BMS1: variants seen among roughly 807,000 people sequenced by gnomAD.
BMS1 encodes ribosome biogenesis protein BMS1 homolog.
In BMS1, 53 loss-of-function variants were observed where a neutral mutation model predicts 138.7. The observed-to-expected ratio is 0.38, with a 90% CI of 0.31 to 0.48. The LOEUF (loss-of-function observed/expected upper bound fraction) is 0.48, where lower values mean the gene tolerates loss of function less well. Ranked by LOEUF, BMS1 falls within the 20% of genes least tolerant of loss-of-function variation. The pLI, the probability that BMS1 is intolerant of heterozygous loss-of-function variation, is 0.97. For synonymous variants in BMS1, 504 were observed against 539.9 expected (o/e 0.93, Z 0.92); for missense variants, 1,360 against 1,565.5 (o/e 0.87, Z 2.22).
chr10:42,810,824 T>C (rs749926607), intron 13 of BMS1, among the ~76,000 whole-genome samples: 35 of 152,220 alleles, frequency 2.3e-4, no homozygotes, highest in Non-Finnish European at 4.0e-4. Context: ...CTGAGGGTGA[T>C]GTTTAGAGTA....
chr10:42,808,832 G>A (rs1349428993), intron 13 of BMS1, among the ~76,000 whole-genome samples: 1 of 152,068 alleles, frequency 6.6e-6, no homozygotes, highest in Non-Finnish European at 1.5e-5. Context: ...TCTGTTTCTG[G>A]GTTCTCTTGT....
At chr10:42,807,281 A>G (rs936035501) in intron 13 of BMS1, among the ~76,000 whole-genome samples, 1 of 152,222 alleles carries the variant, frequency 6.6e-6, no homozygotes, top group Admixed American at 6.5e-5. Flanking sequence ...TGTTAAATAA[A>G]CAGAATCATA....
chr10:42,823,075 T>C (rs756366400), intron 19 of BMS1, 43 bp from the exon 20 acceptor site: 3 of 1,459,908 alleles, frequency 2.1e-6, no homozygotes, highest in Admixed American at 4.9e-5. Context: ...GCATAAAGTA[T>C]ATGATTTTGT....
chr10:42,790,417 G>C lies in BMS1; in HGVS notation c.542G>C (p.Gly181Ala). The change falls in exon 5 of 23, where the codon GGA (glycine) becomes GCA (alanine). Residue 181 changes from glycine to alanine, a missense_variant. By Grantham distance (60) the Gly-to-Ala change is moderately conservative. Coordinates refer to ENST00000374518, the MANE Select transcript of BMS1 (RefSeq NM_014753.4). Reference sequence around the variant, plus strand: ...GTACATGGCTTTCCTAAAATTATGGGAGTTCTCACCCACCTCGACTCCTTC... The same window carrying C: ...GTACATGGCTTTCCTAAAATTATGGCAGTTCTCACCCACCTCGACTCCTTC... ...CQVHGFPKIMGVLTHLDSFKH... is the reference protein window; with the variant it reads ...CQVHGFPKIMAVLTHLDSFKH... 1 of 1,613,894 alleles carries C rather than the reference G, an allele frequency of 6.2e-7. No individual in the cohort carries two copies. Among genetic ancestry groups the C allele is most frequent in the South Asian group, 1.1e-5 (1 of 91,074 alleles).
At chr10:42,816,800 G>A (rs1481316143) in intron 14 of BMS1, 128 bp downstream of exon 14, 3 of 664,188 alleles carry the variant, frequency 4.5e-6, no homozygotes, top group Non-Finnish European at 7.1e-6. Context: ...TTCCTAAAGG[G>A]TGGGGATGTG....
intron 13 of BMS1, among the ~76,000 whole-genome samples, chr10:42,812,705 C>G (rs1371384971): frequency 6.6e-6 from 1 of 152,188 alleles, no homozygotes; most frequent in African/African-American, 2.4e-5. Flanking sequence ...GGGCACCATA[C>G]TCTGTAGTGG....
In BMS1 at chr10:42,823,593, T is replaced by A. The variant is rs767898503; in HGVS notation, c.3281-16T>A. ...CTTCTTTTGAAAATGTTAAAGTAAA[T>A]TACCTCTCTTTTCAGATATTGTCTT... On this transcript the variant is annotated splice_polypyrimidine_tract_variant and intron_variant, in intron 20 of 22. Coordinates refer to ENST00000374518, the MANE Select transcript of BMS1 (RefSeq NM_014753.4). 2 of 1,509,986 alleles carry A rather than the reference T, an allele frequency of 1.3e-6. No homozygotes were observed. The highest frequency in any genetic ancestry group is 4.2e-5 in the Admixed American group (2 of 47,508). The allele number at this position is 1,509,986 out of a possible 1,614,324, so 93.5% of individuals were successfully genotyped here.
intron 13 of BMS1, among the ~76,000 whole-genome samples, chr10:42,804,127 C>A (rs1019301516): frequency 6.6e-6 from 1 of 152,082 alleles, no homozygotes; most frequent in East Asian, 1.9e-4. Context: ...ATTTATTTAT[C>A]TGTTAACCTG....
chr10:42,827,538 G>A (rs906178326), intron 21 of BMS1, among the ~76,000 whole-genome samples: 1 of 152,192 alleles, frequency 6.6e-6, no homozygotes, highest in Non-Finnish European at 1.5e-5. Flanking sequence ...GCTGGTCCAT[G>A]GGGGTGGGGC....
Position 42,798,526 on chromosome 10 carries a change from TC to T in BMS1, c.2149del (p.Arg717ValfsTer31). On this transcript the variant is annotated frameshift_variant, in exon 12 of 23. Transcript: ENST00000374518. LOFTEE classifies it high-confidence loss of function. ...CTCTAGAAGAGCTTGGAGGGTTGTT[TC>T]GTGTCAACCAGCCTGACAGAGAGTG... ...DTLEELGGLF[R>X]VNQPDRECKH... 4.3e-6 allele frequency: 7 copies of T among 1,614,274 alleles called. No homozygotes were observed. Among genetic ancestry groups the T allele is most frequent in the Non-Finnish European group, 5.9e-6 (7 of 1,180,054 alleles).
At chr10:42,789,218 T>C (rs1252061170) in intron 4 of BMS1, among the ~76,000 whole-genome samples, 2 of 152,250 alleles carry the variant, frequency 1.3e-5, no homozygotes, top group African/African-American at 2.4e-5. Context: ...CCTGGCACTC[T>C]GTGGCATCAA....
intron 3 of BMS1, among the ~76,000 whole-genome samples, chr10:42,786,214 C>T (rs1204636619): frequency 1.3e-5 from 2 of 152,172 alleles, no homozygotes; most frequent in Non-Finnish European, 2.9e-5. Flanking sequence ...CATATGCTTG[C>T]CTTATGAAGC....
chr10:42,799,160 T>G (rs1043105750), intron 12 of BMS1, among the ~76,000 whole-genome samples: 2 of 152,050 alleles, frequency 1.3e-5, no homozygotes, highest in South Asian at 2.1e-4. Context: ...CAGGCTGGAG[T>G]GTAGTGGCAC....
chr10:42,801,179 C>G (rs1017281396), intron 12 of BMS1, among the ~76,000 whole-genome samples: 2 of 152,216 alleles, frequency 1.3e-5, no homozygotes, highest in Non-Finnish European at 2.9e-5. Context: ...GTCATTACTT[C>G]TAGGCCTTCT....
Position 42,806,455 on chromosome 10 carries a change from GGC to G in BMS1, c.2329+4238_2329+4239del, listed in dbSNP as rs1227207196. Among the ~76,000 whole-genome samples, 4 of 152,316 alleles carry G rather than the reference GGC, an allele frequency of 2.6e-5. No individual in the cohort carries two copies. In the South Asian group the frequency reaches 8.3e-4, roughly 32 times the overall value. ...AAGTGAACTTAAGAATCACCTTTCT[GGC>G]TGGGCACAGTGGCTGACGCCTATAA... is the stretch of plus-strand genomic sequence containing the variant. On this transcript the variant is annotated intron_variant, in intron 13 of 22. Transcript: ENST00000374518.
chr10:42,830,391 C>G lies in BMS1; in HGVS notation c.3587C>G (p.Pro1196Arg), dbSNP rs201022846. ...AGKVPKDRRRPAVIREPHERK... is the reference protein window; with the variant it reads ...AGKVPKDRRRRAVIREPHERK... ...AAGGTGCCAAAGGACAGGCGGAGAC[C>G]GGCCGTCATACGCGAGCCTCATGAA... The change falls in exon 22 of 23, where the codon CCG (proline) becomes CGG (arginine). Residue 1196 changes from proline (P) to arginine (R), a missense_variant. Transcript: ENST00000374518. 6.2e-7 allele frequency: 1 copy of G among 1,612,036 alleles called. No homozygotes were observed. Among genetic ancestry groups the G allele is most frequent in the Non-Finnish European group, 8.5e-7 (1 of 1,179,626 alleles).
Position 42,802,172 on chromosome 10 carries a change from A to T in BMS1, c.2283A>T (p.Gly761=). The T allele has an allele frequency of 6.2e-7, 1 of 1,613,604 alleles. No individual in the cohort carries two copies. The highest frequency in any genetic ancestry group is 8.5e-7 in the Non-Finnish European group (1 of 1,179,718). The change falls in exon 13 of 23, where the codon GGA becomes GGT. Residue 761 remains glycine (G), a synonymous_variant. Coordinates refer to ENST00000374518, the MANE Select transcript of BMS1 (RefSeq NM_014753.4). Reference sequence around the variant, plus strand: ...GTATCAGAGATTGCTTCGTGACTGGAAAGTGGGAAGATGATAAAGATGCAG... The same window carrying T: ...GTATCAGAGATTGCTTCGTGACTGGTAAGTGGGAAGATGATAAAGATGCAG... The part of the protein sequence containing the change: ...MNSIRDCFVT[G]KWEDDKDAAK...
rs757113959 is a variant in BMS1, at chr10:42,797,506, A to G, written c.2072A>G (p.Lys691Arg). ...RQQQAAPNLR[K>R]LIYGTVTEDN... ...CAGCAAGCAGCTCCAAACCTCCGAA[A>G]GCTTATTTATGGGACAGGTAAAGAA... Residue 691 changes from lysine to arginine, a missense_variant, in exon 11 of 23, where the codon AAG becomes AGG. Physicochemically the swap from Lys to Arg is conservative, Grantham distance 26. Coordinates refer to ENST00000374518, the MANE Select transcript of BMS1 (RefSeq NM_014753.4). 6.2e-7 allele frequency: 1 copy of G among 1,614,208 alleles called. No individual in the cohort carries two copies. Among genetic ancestry groups the G allele is most frequent in the Non-Finnish European group, 8.5e-7 (1 of 1,180,022 alleles).
At chr10:42,816,320 A>G (rs1305786585) in intron 13 of BMS1, among the ~76,000 whole-genome samples, 1 of 152,082 alleles carries the variant, frequency 6.6e-6, no homozygotes, top group African/African-American at 2.4e-5. Context: ...AACAAAAACA[A>G]AAGAGTGTCC....
Sources: gnomAD v4.1 joint callset for allele counts (sites outside exome capture counted in the v4.1 genomes callset) on GRCh38, gnomAD v4.1.1 for gene constraint, MANE v1.5 for transcripts, NCBI Gene and HGNC (gene_info 2026-07-23, HGNC 2026-07-21) for gene names.